FBXL18: variants seen among roughly 807,000 people sequenced by gnomAD.
FBXL18 encodes F-box and leucine rich repeat protein 18.
Under a neutral mutation model 46.0 loss-of-function variants are expected in FBXL18, and 36 were observed. The ratio of observed to expected loss-of-function variants is 0.78; its 90% CI spans 0.60 to 1.03. The LOEUF is 1.03. FBXL18 is among the 50% of genes least tolerant of loss of function. The pLI, the probability that FBXL18 is intolerant of heterozygous loss-of-function variation, is 0.00. For synonymous variants in FBXL18, 557 were observed against 465.3 expected (o/e 1.20, Z -2.54); for missense variants, 977 against 1,004.1 (o/e 0.97, Z 0.36).
intron 4 of FBXL18, among the ~76,000 whole-genome samples, chr7:5,485,025 TC>T (rs1304626468): frequency 6.6e-6 from 1 of 151,914 alleles, no homozygotes; most frequent in African/African-American, 2.4e-5. Flanking sequence ...CAAACAATCC[TC>T]CCCCCTTGGC....
At chr7:5,485,341 A>C (rs959626546) in intron 4 of FBXL18, among the ~76,000 whole-genome samples, 57 of 152,216 alleles carry the variant, frequency 3.7e-4, no homozygotes, top group African/African-American at 1.4e-3. Context: ...GCGGCTTCAT[A>C]GTCTGCTACG....
At chr7:5,483,145 G>A (rs899600424) in intron 4 of FBXL18, among the ~76,000 whole-genome samples, 1 of 151,848 alleles carries the variant, frequency 6.6e-6, no homozygotes, top group African/African-American at 2.4e-5. Flanking sequence ...CAGAGAGGAA[G>A]ACAAAAACAT....
chr7:5,474,320 T>G (rs1424495064), downstream of FBXL18, among the ~76,000 whole-genome samples: 1 of 151,746 alleles, frequency 6.6e-6, no homozygotes, highest in Non-Finnish European at 1.5e-5. Flanking sequence ...GTTTTTTTTT[T>G]TTTTCTGAGA....
At chr7:5,484,374 G>A (rs554520455) in intron 4 of FBXL18, among the ~76,000 whole-genome samples, 6 of 151,870 alleles carry the variant, frequency 4.0e-5, no homozygotes, top group Admixed American at 6.6e-5. Flanking sequence ...GGAAGGCTGC[G>A]GCAGGAGAAT....
intron 4 of FBXL18, among the ~76,000 whole-genome samples, chr7:5,486,352 G>C: frequency 6.6e-6 from 1 of 151,860 alleles, no homozygotes; most frequent in Admixed American, 6.6e-5. Context: ...CTGGGAGGTG[G>C]AGGCTGCAGT....
intron 4 of FBXL18, among the ~76,000 whole-genome samples, chr7:5,458,970 G>C (rs1783208523): frequency 6.6e-6 from 1 of 151,904 alleles, no homozygotes; most frequent in East Asian, 1.9e-4. Context: ...AACATAGTAA[G>C]ACCCCTCCAC....
At chr7:5,508,578 C>T (rs929627894) in intron 1 of FBXL18, among the ~76,000 whole-genome samples, 3 of 150,368 alleles carry the variant, frequency 2.0e-5, no homozygotes, top group Admixed American at 6.7e-5. Flanking sequence ...CACTGCACTC[C>T]AGCCTGGATG....
chr7:5,480,546 ATATTTTTT>A lies in FBXL18; in HGVS notation c.*1221_*1228del, dbSNP rs1783616164. 1 of 55,414 alleles carries A rather than the reference ATATTTTTT, an allele frequency of 1.8e-5. No individual in the cohort carries two copies. Among genetic ancestry groups the A allele is most frequent in the Admixed American group, 2.8e-4 (1 of 3,608 alleles). 3.4% of individuals were successfully genotyped at this position (55,414 alleles called of 1,614,324 possible). On this transcript the variant is annotated 3_prime_UTR_variant, in exon 5 of 5. Coordinates refer to ENST00000382368, the MANE Select transcript of FBXL18 (RefSeq NM_024963.6). ...GTGTTGAATATATATATATATATAT[ATATTTTTT>A]TTTTTTTTTTTTTTTTTTTTTTTTT...
At chr7:5,513,439 G>C (rs1784592349) in intron 1 of FBXL18, among the ~76,000 whole-genome samples, 2 of 152,180 alleles carry the variant, frequency 1.3e-5, no homozygotes, top group Admixed American at 6.5e-5. Flanking sequence ...CGAGCGAAGG[G>C]GGAGACAGCT....
At chr7:5,473,501 C>A (rs1398399455), downstream of FBXL18, among the ~76,000 whole-genome samples, 2 of 152,126 alleles carry the variant, frequency 1.3e-5, no homozygotes, top group Admixed American at 1.3e-4. Context: ...GTGGTTCATG[C>A]CTGTAATCCC....
chr7:5,499,422 T>G (rs890749931), intron 3 of FBXL18, among the ~76,000 whole-genome samples: 2 of 152,050 alleles, frequency 1.3e-5, no homozygotes, highest in African/African-American at 4.8e-5. Context: ...ACATGGTACT[T>G]ACTGACCCAG....
intron 2 of FBXL18, 52 bp downstream of exon 2, chr7:5,505,360 C>T: frequency 6.4e-7 from 1 of 1,552,286 alleles, no homozygotes; most frequent in Non-Finnish European, 8.9e-7. Context: ...GCCCAGTCCT[C>T]AAAGACTGAG....
Position 5,461,097 on chromosome 7 carries a change from C to T in FBXL18, c.2001-13254G>A, listed in dbSNP as rs115194710. On this transcript the variant is annotated intron_variant and NMD_transcript_variant, in intron 4 of 6. Coordinates refer to the FBXL18 transcript ENST00000415009. Reference sequence around the variant, plus strand: ...TGGTGTCCTGGTGCCCAACCCTCCCCGAAGGGCTCCAGTCCTGCACTCTCG... The same window carrying T: ...TGGTGTCCTGGTGCCCAACCCTCCCTGAAGGGCTCCAGTCCTGCACTCTCG... Among the ~76,000 whole-genome samples, 1,512 of 152,288 alleles carry T rather than the reference C, an allele frequency of 9.9e-3. 33 individuals are homozygous for T. The highest frequency in any genetic ancestry group is 0.035 in the African/African-American group (1,456 of 41,562).
chr7:5,504,419 C>T (rs1784342843), intron 2 of FBXL18, among the ~76,000 whole-genome samples: 2 of 148,102 alleles, frequency 1.4e-5, no homozygotes, highest in Admixed American at 6.7e-5. Flanking sequence ...ATTCTCGTGC[C>T]TCAGCCTCCT....
chr7:5,482,810 A>C (rs1292846105), intron 4 of FBXL18, among the ~76,000 whole-genome samples: 1 of 152,106 alleles, frequency 6.6e-6, no homozygotes, highest in Non-Finnish European at 1.5e-5. Context: ...CTGAGGTGGG[A>C]GGATTGTTTG....
At position 5,491,319 on chromosome 7, in the gene FBXL18, C is replaced by T. The variant is rs760672017; in HGVS notation, c.1912G>A (p.Ala638Thr). 1 of 1,612,538 alleles carries T rather than the reference C, an allele frequency of 6.2e-7. No homozygotes were observed. Among genetic ancestry groups the T allele is most frequent in the Non-Finnish European group, 8.5e-7 (1 of 1,179,702 alleles). Reference protein sequence around the residue: ...LQPDAVLAFMARCLQVVMCHL... With the variant: ...LQPDAVLAFMTRCLQVVMCHL... ...CACATGACAACCTGCAGGCAGCGAG[C>T]CATGAAGGCCAGCACGGCATCGGGC... The change falls in exon 4 of 5, where the codon GCT becomes ACT. Residue 638 changes from alanine (A) to threonine (T), a missense_variant. By Grantham distance (58) the Ala-to-Thr change is moderately conservative. Transcript: ENST00000382368.
chr7:5,500,368 G>A (rs2128237301), intron 3 of FBXL18, 120 bp downstream of exon 3: 1 of 914,314 alleles, frequency 1.1e-6, no homozygotes, highest in Non-Finnish European at 1.6e-6. Flanking sequence ...CACGCTGCGA[G>A]GCCCCGCCCC....
rs568190854 is a variant in FBXL18, at chr7:5,513,734, C to A, written c.-60G>T. On this transcript the variant is annotated 5_prime_UTR_variant, in exon 1 of 5. Coordinates refer to ENST00000382368, the MANE Select transcript of FBXL18 (RefSeq NM_024963.6). ...CGCAACCCCGTGCCTCCCACCTGCC[C>A]GGCTAGGGATGCTCGAAGCCGGCGC... 18 of 1,573,234 alleles carry A rather than the reference C, an allele frequency of 1.1e-5. No individual in the cohort carries two copies. In the African/African-American group the frequency reaches 1.2e-4, roughly 11 times the overall value.
chr7:5,470,215 C>A (rs576480931), intron 4 of FBXL18, among the ~76,000 whole-genome samples: 3 of 152,134 alleles, frequency 2.0e-5, no homozygotes, highest in Admixed American at 1.3e-4. Context: ...GCATGCTGGC[C>A]GAGGGGGCCT....
Sources: allele counts gnomAD v4.1 joint callset (sites outside exome capture counted in the v4.1 genomes callset), GRCh38; gene constraint gnomAD v4.1.1; transcripts MANE v1.5; gene names NCBI Gene and HGNC (gene_info 2026-07-23, HGNC 2026-07-21).